Variants in DCLK1 observed in about 807,000 individuals in gnomAD.
DCLK1 encodes doublecortin like kinase 1.
DCLK1 carries 16 observed loss-of-function variants against 86.2 expected under a neutral mutation model. That is an observed-to-expected ratio of 0.19 (90% CI 0.13 to 0.28). The LOEUF (loss-of-function observed/expected upper bound fraction) is 0.28. DCLK1 is among the 10% of genes least tolerant of loss of function. The pLI is 1.00. For missense variants in DCLK1, 590 were observed against 940.2 expected, an observed-to-expected ratio of 0.63 and a Z score of 4.87; for synonymous variants, 369 against 370.5, an observed-to-expected ratio of 1.00 and a Z score of 0.05.
chr13:35,828,275 A>G lies in DCLK1; in HGVS notation c.1262T>C (p.Ile421Thr). 1 of 1,610,744 alleles carries G rather than the reference A, an allele frequency of 6.2e-7. No individual in the cohort carries two copies. The highest frequency in any genetic ancestry group is 8.5e-7 in the Non-Finnish European group (1 of 1,179,534). ...TTTGCCTCGACATTTGCTTTTCTTG[A>G]TAATTTTCAGAGCATACTCTCTAGC... is the stretch of plus-strand genomic sequence containing the variant. The part of the protein sequence containing the change: ...STAREYALKI[I>T]KKSKCRGKEH... The change falls in exon 9 of 17, where the codon ATC becomes ACC. Residue 421 changes from isoleucine (I) to threonine (T), a missense_variant. Physicochemically the swap from Ile to Thr is moderately conservative, Grantham distance 89. This residue lies in a region of DCLK1 where 108 missense variants were observed against 195.7 expected (regional missense o/e 0.55). Transcript: ENST00000360631.
chr13:36,068,332 A>G (rs1883841087), intron 3 of DCLK1, among the ~76,000 whole-genome samples: 1 of 152,176 alleles, frequency 6.6e-6, no homozygotes, highest in African/African-American at 2.4e-5. Context: ...TCAAGTTAAA[A>G]ATAAGAGGCC....
In DCLK1 at chr13:35,931,003, C is replaced by T. The variant is rs1317224796; in HGVS notation, c.823+16355G>A. On this transcript the variant is annotated intron_variant, in intron 4 of 16. Coordinates refer to ENST00000360631, the MANE Select transcript of DCLK1 (RefSeq NM_001330071.2). Reference sequence around the variant, plus strand: ...ACTCTTTAACATTTTAATGTGTTTACGTTTATCTTTTAACTGTTTGTTAAC... The same window carrying T: ...ACTCTTTAACATTTTAATGTGTTTATGTTTATCTTTTAACTGTTTGTTAAC... Among the ~76,000 whole-genome samples the T allele has an allele frequency of 2.6e-5, 4 of 152,296 alleles. No individual in the cohort carries two copies. The South Asian group carries it at 6.2e-4, about 24-fold the overall frequency.
At chr13:36,067,508 T>C (rs970165921) in intron 3 of DCLK1, among the ~76,000 whole-genome samples, 1 of 150,094 alleles carries the variant, frequency 6.7e-6, no homozygotes, top group Non-Finnish European at 1.5e-5. Flanking sequence ...TGTATACATA[T>C]GTAACTAACC....
chr13:35,773,767 AGAGT>A lies in DCLK1; in HGVS notation c.*764_*767del, dbSNP rs1356068343. 4 of 152,508 alleles carry A rather than the reference AGAGT, an allele frequency of 2.6e-5. No individual in the cohort carries two copies. Among genetic ancestry groups the A allele is most frequent in the African/African-American group, 9.7e-5 (4 of 41,402 alleles). 9.4% of individuals were successfully genotyped at this position (152,508 alleles called of 1,614,324 possible). A position where few individuals can be genotyped will look rare whatever the true frequency, so the allele number is the denominator to read the frequency against. Reference sequence around the variant, plus strand: ...CAAGACAAGCTGTGGTGACTCCCTGAGAGTCTGCGCTGGCGCTAGCAGCAGCTGA... The same window carrying A: ...CAAGACAAGCTGTGGTGACTCCCTGACTGCGCTGGCGCTAGCAGCAGCTGA... On this transcript the variant is annotated 3_prime_UTR_variant, in exon 17 of 17. Transcript: ENST00000360631.
chr13:36,126,747 T>C (rs1886202294), intron 1 of DCLK1, among the ~76,000 whole-genome samples: 3 of 152,212 alleles, frequency 2.0e-5, no homozygotes, highest in Non-Finnish European at 4.4e-5. Flanking sequence ...AAACAGCTTA[T>C]TAATCAGCCA....
chr13:35,878,983 A>G (rs1038673995), intron 4 of DCLK1, among the ~76,000 whole-genome samples: 1 of 152,058 alleles, frequency 6.6e-6, no homozygotes, highest in African/African-American at 2.4e-5. Context: ...ATGGGGTTTC[A>G]CCATGTTGGC....
At chr13:36,007,014 A>T (rs937797260) in intron 3 of DCLK1, among the ~76,000 whole-genome samples, 2 of 152,232 alleles carry the variant, frequency 1.3e-5, no homozygotes, top group African/African-American at 4.8e-5. Flanking sequence ...TATCTTGATG[A>T]AAAGTTTACA....
chr13:35,819,420 G>A lies in DCLK1; in HGVS notation c.1554+3309C>T, dbSNP rs151178144. On this transcript the variant is annotated intron_variant, in intron 11 of 16. Coordinates refer to ENST00000360631, the MANE Select transcript of DCLK1 (RefSeq NM_001330071.2). ...TCTATAAGAATTAAAAATAAAAAAC[G>A]CTAAAAGTTCTACATACACAATTAT... 7.4e-4 allele frequency among the ~76,000 whole-genome samples: 113 copies of A among 152,136 alleles called. 1 individual carries two copies. Among genetic ancestry groups the A allele is most frequent in the African/African-American group, 2.6e-3 (109 of 41,538 alleles).
chr13:35,849,639 T>A, intron 6 of DCLK1: 1 of 981,778 alleles, frequency 1.0e-6, no homozygotes, highest in Non-Finnish European at 1.2e-6. Flanking sequence ...AGAGCAGAAT[T>A]AGTAGGTTAA....
intron 3 of DCLK1, among the ~76,000 whole-genome samples, chr13:36,017,027 A>G (rs886388450): frequency 3.3e-5 from 5 of 152,222 alleles, no homozygotes; most frequent in African/African-American, 1.2e-4. Flanking sequence ...CCTTGCAGAA[A>G]AATATCAGCA....
intron 4 of DCLK1, among the ~76,000 whole-genome samples, chr13:35,931,191 T>A (rs1166204131): frequency 6.6e-6 from 1 of 152,154 alleles, no homozygotes; most frequent in Non-Finnish European, 1.5e-5. Flanking sequence ...GGCAGGCCTC[T>A]AGCAGCGTAA....
intron 3 of DCLK1, among the ~76,000 whole-genome samples, chr13:35,959,854 C>CGTGTGTGTGTGTGT (rs67600362): frequency 1.3e-5 from 2 of 149,306 alleles, no homozygotes; most frequent in African/African-American, 5.0e-5. Context: ...TACAGCAAGT[C>CGTGTGTGTGTGTGT]GTGTGTGTGT....
intron 7 of DCLK1, among the ~76,000 whole-genome samples, 165 bp from the exon 8 acceptor site, chr13:35,836,306 A>G (rs1869376799): frequency 6.6e-6 from 1 of 152,218 alleles, no homozygotes; most frequent in Non-Finnish European, 1.5e-5. Flanking sequence ...GACATTGTAT[A>G]TACTCAACAG....
At chr13:36,056,951 C>CT (rs1883355411) in intron 3 of DCLK1, among the ~76,000 whole-genome samples, 1 of 146,554 alleles carries the variant, frequency 6.8e-6, no homozygotes, top group African/African-American at 2.5e-5. Context: ...ATATATTCTC[C>CT]TTTTTTACAC....
chr13:35,907,277 C>T (rs1874739480), intron 4 of DCLK1, among the ~76,000 whole-genome samples: 1 of 152,206 alleles, frequency 6.6e-6, no homozygotes, highest in Non-Finnish European at 1.5e-5. Flanking sequence ...AGCCTCCCAC[C>T]TCAGCCTCTG....
In DCLK1 at chr13:35,887,803, T is replaced by TACTCAGG. The variant is rs141190332; in HGVS notation, c.824-16470_824-16464dup. On this transcript the variant is annotated intron_variant, in intron 4 of 16. Coordinates refer to ENST00000360631, the MANE Select transcript of DCLK1 (RefSeq NM_001330071.2). ...TGTGGTATGCGCCTATAGTCTCAGC[T>TACTCAGG]ACTCAGGAGACTGAGGTGGGAGGAT... 8.9e-3 allele frequency among the ~76,000 whole-genome samples: 1,225 copies of TACTCAGG among 137,396 alleles called. 10 individuals carry two copies. Among genetic ancestry groups the TACTCAGG allele is most frequent in the Admixed American group, 0.016 (192 of 11,726 alleles). 90.1% of individuals were successfully genotyped at this position (137,396 alleles called of 152,430 possible). A position where few individuals can be genotyped will look rare whatever the true frequency, so the allele number is the denominator to read the frequency against.
At chr13:35,988,902 G>A (rs1267042094) in intron 3 of DCLK1, among the ~76,000 whole-genome samples, 2 of 152,050 alleles carry the variant, frequency 1.3e-5, no homozygotes, top group Admixed American at 6.6e-5. Context: ...CTTTGCGGCC[G>A]CCCAAAACAA....
chr13:35,983,590 T>C (rs1693155780), intron 3 of DCLK1, among the ~76,000 whole-genome samples: 1 of 152,172 alleles, frequency 6.6e-6, no homozygotes, highest in Non-Finnish European at 1.5e-5. Context: ...AATTATACAT[T>C]TTAAAATAAC....
chr13:35,843,976 C>A (rs1020346310), intron 6 of DCLK1, among the ~76,000 whole-genome samples: 2 of 152,110 alleles, frequency 1.3e-5, no homozygotes, highest in Non-Finnish European at 2.9e-5. Context: ...TTGAAACCCA[C>A]AGAATTCTAT....
Sources: allele counts gnomAD v4.1 joint callset (sites outside exome capture counted in the v4.1 genomes callset), GRCh38; gene constraint gnomAD v4.1.1; regional missense constraint gnomAD v4.1.1; transcripts MANE v1.5; gene names NCBI Gene and HGNC (gene_info 2026-07-23, HGNC 2026-07-21).